Variants in KATNBL1 observed in about 807,000 individuals in gnomAD.
KATNBL1 encodes the protein katanin regulatory subunit B1 like 1, also known as KATNB1-like protein 1.
In KATNBL1, 28 loss-of-function variants were observed where a neutral mutation model predicts 44.7. That is an observed-to-expected ratio of 0.63 (90% confidence interval 0.46 to 0.86). The LOEUF is 0.86. Among genes scored for constraint, KATNBL1 ranks in the 40% least tolerant of loss-of-function variants. The pLI, the probability that KATNBL1 is intolerant of heterozygous loss-of-function variation, is 0.00. For synonymous variants in KATNBL1, 78 were observed against 114.9 expected, an observed-to-expected ratio of 0.68 and a Z score of 2.06; for missense variants, 272 against 350.7, an observed-to-expected ratio of 0.78 and a Z score of 1.79.
chr15:34,206,651 C>T (rs1476219268), intron 1 of KATNBL1, among the ~76,000 whole-genome samples: 4 of 151,966 alleles, frequency 2.6e-5, no homozygotes, highest in South Asian at 4.1e-4. Flanking sequence ...ATTACCCGGG[C>T]GTGGTGGTGG....
At chr15:34,206,727 G>A (rs1469640018) in intron 1 of KATNBL1, among the ~76,000 whole-genome samples, 1 of 151,720 alleles carries the variant, frequency 6.6e-6, no homozygotes, top group East Asian at 1.9e-4. Context: ...GGAGGTGGAG[G>A]TTGTGGTGAG....
intron 1 of KATNBL1, chr15:34,208,725 A>G (rs2140570464): frequency 6.6e-6 from 1 of 152,372 alleles, no homozygotes; most frequent in East Asian, 1.9e-4. Context: ...AATCATCAAG[A>G]GCAGAAAACT....
At chr15:34,196,371 C>A (rs898897020) in intron 1 of KATNBL1, among the ~76,000 whole-genome samples, 2 of 151,802 alleles carry the variant, frequency 1.3e-5, no homozygotes, top group African/African-American at 4.8e-5. Context: ...TGAGTCGAGA[C>A]TGCATGACTG....
At chr15:34,171,389 C>A (rs894105495) in intron 1 of KATNBL1, among the ~76,000 whole-genome samples, 1 of 152,158 alleles carries the variant, frequency 6.6e-6, no homozygotes, top group Admixed American at 6.5e-5. Context: ...CAATGAGATA[C>A]CGTCTCATGC....
At chr15:34,179,834 A>G (rs1889466994) in intron 1 of KATNBL1, among the ~76,000 whole-genome samples, 1 of 152,208 alleles carries the variant, frequency 6.6e-6, no homozygotes. Flanking sequence ...AACAAACACG[A>G]ATTATTTTTA....
intron 1 of KATNBL1, among the ~76,000 whole-genome samples, chr15:34,193,483 G>A (rs1889945865): frequency 1.3e-5 from 2 of 151,968 alleles, no homozygotes; most frequent in African/African-American, 4.8e-5. Context: ...GCAGTGAACA[G>A]AGATGGCGCC....
intron 1 of KATNBL1, among the ~76,000 whole-genome samples, chr15:34,164,933 T>C (rs1286859829): frequency 6.6e-6 from 1 of 152,236 alleles, no homozygotes; most frequent in East Asian, 1.9e-4. Flanking sequence ...ACAAGTATTT[T>C]TGAGGCATAT....
rs749103911 is a variant in KATNBL1 at position 34,153,014 on chromosome 15, T to G, written c.214A>C (p.Arg72=). 2 of 1,613,666 alleles carry G rather than the reference T, an allele frequency of 1.2e-6. No homozygotes were observed. Among genetic ancestry groups the G allele is most frequent in the Non-Finnish European group, 1.7e-6 (2 of 1,179,526 alleles). ...GGAAAGGGATGATGAACTTTCTTTC[T>G]GCGATAGATCACTTTACGAAGTTTA... is the stretch of plus-strand genomic sequence containing the variant. ...PDKLRKVIYR[R]KKVHHPFPNP... Residue 72 remains arginine (R), a synonymous_variant, in exon 4 of 10, where the codon AGA becomes CGA. Transcript: ENST00000256544.
rs111544966 is a variant in KATNBL1, at chr15:34,206,148, C to A, written c.-15+3803G>T. ...CGACTTACAGTAATAGTGCCTTTCC[C>A]ACTGTAACACCAAGCTGTGCATCTT... is the stretch of plus-strand genomic sequence containing the variant. On this transcript the variant is annotated intron_variant, in intron 1 of 9. Transcript: ENST00000256544. 7.4e-3 allele frequency among the ~76,000 whole-genome samples: 1,120 copies of A among 152,266 alleles called. 14 individuals are homozygous for A. The highest frequency in any genetic ancestry group is 0.026 in the African/African-American group (1,062 of 41,548).
intron 9 of KATNBL1, among the ~76,000 whole-genome samples, chr15:34,144,093 G>C (rs1888239492): frequency 6.8e-6 from 1 of 148,024 alleles, no homozygotes; most frequent in African/African-American, 2.5e-5. Context: ...TTTTGGGAGA[G>C]GGGCCATGGT....
chr15:34,206,591 G>A (rs563854643), intron 1 of KATNBL1, among the ~76,000 whole-genome samples: 3 of 152,282 alleles, frequency 2.0e-5, no homozygotes, highest in African/African-American at 7.2e-5. Flanking sequence ...AGGAGTTCAA[G>A]ACCAGCCTGG....
At chr15:34,189,227 C>T (rs1040811110) in intron 1 of KATNBL1, among the ~76,000 whole-genome samples, 3 of 152,142 alleles carry the variant, frequency 2.0e-5, no homozygotes, top group Admixed American at 1.3e-4. Context: ...TTTTGCCATG[C>T]TGGCCAGGCT....
rs763927160 is a variant in KATNBL1 at position 34,142,900 on chromosome 15, T to C, written c.883-529A>G. 8.2e-4 allele frequency: 300 copies of C among 364,928 alleles called. 1 individual carries two copies. Among genetic ancestry groups the C allele is most frequent in the Middle Eastern group, 1.9e-3 (2 of 1,028 alleles). The allele number at this position is 364,928 out of a possible 1,614,324, so 22.6% of individuals were successfully genotyped here. A position where few individuals can be genotyped will look rare whatever the true frequency, so the allele number is the denominator to read the frequency against. ...CTAATTTTTTGTGTTTTAGTAGAGA[T>C]GGGGTTTCACCATGTTGGCCGGGAT... On this transcript the variant is annotated intron_variant, in intron 9 of 9. Transcript: ENST00000256544.
At position 34,168,633 on chromosome 15, in the gene KATNBL1, T is replaced by C. The variant is rs968094315; in HGVS notation, c.-14-4943A>G. On this transcript the variant is annotated intron_variant, in intron 1 of 9. Transcript: ENST00000256544. ...CTCTTCACCCCAAATCAACAGAATA[T>C]ACATTCTTCTCAGCACCACATCGCA... Among the ~76,000 whole-genome samples, 15 of 152,312 alleles carry C rather than the reference T, an allele frequency of 9.8e-5. No homozygotes were observed. In the South Asian group the frequency reaches 3.1e-3, roughly 32 times the overall value.
rs933535073 is a variant in KATNBL1, at chr15:34,146,491, A to G, written c.788+270T>C. The stretch of plus-strand genomic sequence containing the variant: ...TTTTCCTCCCTTACTCATAATGAAT[A>G]TGAGAATTAAACCACTATTGTGTTT... On this transcript the variant is annotated intron_variant, in intron 8 of 9. Transcript: ENST00000256544. 7 of 315,668 alleles carry G rather than the reference A, an allele frequency of 2.2e-5. 1 individual carries two copies. The highest frequency in any genetic ancestry group is 3.5e-5 in the Non-Finnish European group (6 of 170,668). 19.6% of individuals were successfully genotyped at this position (315,668 alleles called of 1,614,324 possible). A position where few individuals can be genotyped will look rare whatever the true frequency, so the allele number is the denominator to read the frequency against.
At chr15:34,183,285 T>A (rs1469189837) in intron 1 of KATNBL1, among the ~76,000 whole-genome samples, 2 of 152,308 alleles carry the variant, frequency 1.3e-5, no homozygotes, top group East Asian at 3.9e-4. Context: ...GTGGGGTAAG[T>A]GCTGTCAGGC....
intron 4 of KATNBL1, among the ~76,000 whole-genome samples, chr15:34,149,807 G>A (rs1441414083): frequency 2.0e-5 from 3 of 152,198 alleles, no homozygotes; most frequent in Non-Finnish European, 2.9e-5. Flanking sequence ...CCTGAGGTGG[G>A]AGAACCACTT....
chr15:34,178,835 C>T (rs1016966011), intron 1 of KATNBL1, among the ~76,000 whole-genome samples: 2 of 150,770 alleles, frequency 1.3e-5, no homozygotes, highest in Non-Finnish European at 3.0e-5. Context: ...CTGGGATAAT[C>T]TTTAGGGCCT....
At chr15:34,198,397 G>C (rs1462614251) in intron 1 of KATNBL1, 2 of 152,118 alleles carry the variant, frequency 1.3e-5, no homozygotes, top group East Asian at 3.9e-4. Flanking sequence ...ATATCCCTGA[G>C]GATTTATCTA....
Sources: allele counts gnomAD v4.1 joint callset (sites outside exome capture counted in the v4.1 genomes callset), GRCh38; gene constraint gnomAD v4.1.1; transcripts MANE v1.5; gene names NCBI Gene and HGNC (gene_info 2026-07-23, HGNC 2026-07-21).